SPATA13: variants seen among roughly 807,000 people sequenced by gnomAD.
SPATA13 encodes the protein spermatogenesis-associated protein 13.
Under a neutral mutation model 104.0 loss-of-function variants are expected in SPATA13, and 50 were observed. That is an observed-to-expected ratio of 0.48 (90% CI 0.38 to 0.61). The LOEUF (loss-of-function observed/expected upper bound fraction) is 0.61. SPATA13 is among the 20% of genes least tolerant of loss of function. SPATA13 has a pLI of 0.00. For missense variants in SPATA13, 1,524 were observed against 1,690.6 expected, an observed-to-expected ratio of 0.90 and a Z score of 1.73; for synonymous variants, 606 against 667.5, an observed-to-expected ratio of 0.91 and a Z score of 1.42.
chr13:24,058,586 A>C (rs1280795631), intron 3 of SPATA13, among the ~76,000 whole-genome samples: 2 of 151,866 alleles, frequency 1.3e-5, no homozygotes, highest in Non-Finnish European at 2.9e-5. Flanking sequence ...GAAATTACTA[A>C]CTTCATAACT....
rs1462598691 is a variant in SPATA13 at position 24,129,725 on chromosome 13, C to A, written c.-111-93094C>A. Among the ~76,000 whole-genome samples, 3 of 152,310 alleles carry A rather than the reference C, an allele frequency of 2.0e-5. No individual in the cohort carries two copies. The East Asian group carries it at 5.8e-4, about 29-fold the overall frequency. On this transcript the variant is annotated intron_variant, in intron 3 of 14. Transcript: ENST00000424834. ...ACACCCAAAGGCTGTGTGATGGACA[C>A]ATAGTTATTATTCAGGACATAAGAC... is the stretch of plus-strand genomic sequence containing the variant.
At chr13:24,246,645 G>A (rs368177517) in intron 2 of SPATA13, among the ~76,000 whole-genome samples, 15 of 152,156 alleles carry the variant, frequency 9.9e-5, no homozygotes, top group South Asian at 2.1e-4. Flanking sequence ...GGATCATGAG[G>A]TCAGGAGTTC....
chr13:24,279,605 G>C (rs1319340598), intron 4 of SPATA13, among the ~76,000 whole-genome samples: 1 of 152,164 alleles, frequency 6.6e-6, no homozygotes, highest in Admixed American at 6.5e-5. Flanking sequence ...ACACTTTCAG[G>C]AACTTGAATC....
chr13:24,038,267 A>C (rs957812938), intron 3 of SPATA13, among the ~76,000 whole-genome samples: 2 of 152,190 alleles, frequency 1.3e-5, no homozygotes, highest in Middle Eastern at 3.4e-3. Context: ...CAGTTTTTAA[A>C]CCCAATATCT....
At chr13:24,200,113 C>T (rs17080360) in intron 1 of SPATA13, among the ~76,000 whole-genome samples, 6,684 of 152,190 alleles carry the variant, frequency 0.044, 438 homozygotes, top group African/African-American at 0.14. Flanking sequence ...TGTACAAACC[C>T]CTTCAACGGG....
intron 1 of SPATA13, among the ~76,000 whole-genome samples, chr13:24,207,736 G>A (rs1009455804): frequency 5.3e-5 from 8 of 152,200 alleles, no homozygotes; most frequent in African/African-American, 9.7e-5. Flanking sequence ...AATGTTCAGC[G>A]TTCAGTAACC....
intron 2 of SPATA13, among the ~76,000 whole-genome samples, chr13:23,987,717 CT>C (rs1182919418): frequency 6.6e-6 from 1 of 152,124 alleles, no homozygotes; most frequent in East Asian, 1.9e-4. Flanking sequence ...CAACCTTCAC[CT>C]CCATCCATCT....
At chr13:24,213,081 A>T (rs1235330730) in intron 1 of SPATA13, among the ~76,000 whole-genome samples, 3 of 152,186 alleles carry the variant, frequency 2.0e-5, no homozygotes, top group African/African-American at 7.2e-5. Flanking sequence ...AGCACCAAGG[A>T]CAGACTCCTG....
intron 2 of SPATA13, among the ~76,000 whole-genome samples, chr13:24,005,099 T>C (rs1429430766): frequency 6.6e-6 from 1 of 152,228 alleles, no homozygotes; most frequent in Non-Finnish European, 1.5e-5. Context: ...AGTAAGTACT[T>C]TTCTGAGAGT....
At chr13:24,126,529 A>G (rs1192240502) in intron 3 of SPATA13, among the ~76,000 whole-genome samples, 2 of 152,022 alleles carry the variant, frequency 1.3e-5, no homozygotes, top group African/African-American at 2.4e-5. Flanking sequence ...ATTTACGTAT[A>G]TATATTTGTG....
chr13:23,980,671 A>T (rs920419348), intron 1 of SPATA13, among the ~76,000 whole-genome samples: 27 of 152,094 alleles, frequency 1.8e-4, no homozygotes, highest in African/African-American at 6.5e-4. Context: ...AGCTCACTGA[A>T]ACCTCTGCCT....
intron 3 of SPATA13, among the ~76,000 whole-genome samples, chr13:24,096,630 G>C (rs888723516): frequency 6.6e-6 from 1 of 152,104 alleles, no homozygotes; most frequent in African/African-American, 2.4e-5. Context: ...ATTTGGACAG[G>C]TATGGAGAAG....
chr13:24,301,889 T>C (rs1348337498), intron 12 of SPATA13, among the ~76,000 whole-genome samples: 2 of 152,254 alleles, frequency 1.3e-5, no homozygotes, highest in African/African-American at 2.4e-5. Context: ...TTTACTTCTA[T>C]TAATTCATTT....
intron 3 of SPATA13, among the ~76,000 whole-genome samples, chr13:24,036,653 T>A (rs1057048534): frequency 2.0e-5 from 3 of 152,162 alleles, no homozygotes; most frequent in Admixed American, 6.5e-5. Flanking sequence ...TTCCTGCTTG[T>A]CTAAAACTTC....
intron 2 of SPATA13, among the ~76,000 whole-genome samples, chr13:24,012,404 T>C (rs1168244299): frequency 1.3e-5 from 2 of 152,236 alleles, no homozygotes; most frequent in African/African-American, 4.8e-5. Context: ...GTCAGTATCT[T>C]GAGAAGTACA....
intron 3 of SPATA13, among the ~76,000 whole-genome samples, chr13:24,038,863 G>A (rs964886613): frequency 7.2e-5 from 11 of 152,204 alleles, no homozygotes; most frequent in African/African-American, 2.7e-4. Context: ...TTAGGACTTT[G>A]CATTCCACCA....
At chr13:24,241,162 A>G (rs560435744) in intron 2 of SPATA13, among the ~76,000 whole-genome samples, 3 of 152,360 alleles carry the variant, frequency 2.0e-5, no homozygotes, top group Non-Finnish European at 4.4e-5. Flanking sequence ...CTAGTAAAAA[A>G]TGCAGCACAT....
At chr13:24,297,334 G>A (rs1462952964) in intron 10 of SPATA13, 29 bp from the exon 11 acceptor site, 7 of 1,574,088 alleles carry the variant, frequency 4.4e-6, no homozygotes, top group Non-Finnish European at 6.0e-6. Context: ...AGAATTGGAA[G>A]GTCTTAAGAT....
In SPATA13 at chr13:24,297,448, G is replaced by A. The variant is rs371749849; in HGVS notation, c.3296G>A (p.Arg1099Gln). 21 of 1,614,172 alleles carry A rather than the reference G, an allele frequency of 1.3e-5. No homozygotes were observed. The highest frequency in any genetic ancestry group is 5.5e-5 in the South Asian group (5 of 91,078). Residue 1099 changes from arginine to glutamine, a missense_variant, in exon 11 of 13, where the codon CGG becomes CAG. Around this residue, in one of 2 missense-constraint regions of SPATA13, gnomAD observed 435 missense variants for 554.8 expected, o/e 0.78. Coordinates refer to ENST00000382108, the MANE Select transcript of SPATA13 (RefSeq NM_001166271.3). ...ACTAAGCAAGGCAAAAGCCAGCAGC[G>A]GACGTTCTTCCTGTTTGACCACCAG... ...KITKQGKSQQ[R>Q]TFFLFDHQLV... is the part of the protein sequence containing the mutation.
Sources: allele counts gnomAD v4.1 joint callset (sites outside exome capture counted in the v4.1 genomes callset), GRCh38; gene constraint gnomAD v4.1.1; regional missense constraint gnomAD v4.1.1; transcripts MANE v1.5; gene names NCBI Gene and HGNC (gene_info 2026-07-23, HGNC 2026-07-21).